SNTG2: variants seen among roughly 807,000 people sequenced by gnomAD.
SNTG2 encodes syntrophin gamma 2.
A neutral mutation model predicts 70.9 loss-of-function variants in SNTG2; 74 were observed. The ratio of observed to expected loss-of-function variants is 1.04; its 90% confidence interval spans 0.86 to 1.27. The LOEUF is 1.27. SNTG2 is among the 50% of genes most tolerant of loss of function. The pLI, the probability that SNTG2 is intolerant of heterozygous loss-of-function variation, is 0.00. For missense variants in SNTG2, 717 were observed against 690.7 expected, an observed-to-expected ratio of 1.04 and a Z score of -0.43; for synonymous variants, 278 against 273.8, an observed-to-expected ratio of 1.02 and a Z score of -0.15.
At chr2:969,431 C>A (rs575590460) in intron 1 of SNTG2, among the ~76,000 whole-genome samples, 177 of 152,200 alleles carry the variant, frequency 1.2e-3, no homozygotes, top group African/African-American at 4.2e-3. Flanking sequence ...AAAGAAATAG[C>A]ATTGAATCTG....
intron 1 of SNTG2, among the ~76,000 whole-genome samples, chr2:971,738 G>A (rs895678845): frequency 2.0e-5 from 3 of 148,348 alleles, no homozygotes; most frequent in Non-Finnish European, 3.0e-5. Context: ...CATTCCTTAA[G>A]ATATGATGTT....
chr2:1,037,722 C>A (rs1461118055), intron 1 of SNTG2, among the ~76,000 whole-genome samples: 1 of 152,182 alleles, frequency 6.6e-6, no homozygotes, highest in East Asian at 1.9e-4. Context: ...TTGGGTTCTT[C>A]TACTTCGCAT....
At chr2:1,309,021 C>T (rs1680847949) in intron 15 of SNTG2, among the ~76,000 whole-genome samples, 1 of 152,170 alleles carries the variant, frequency 6.6e-6, no homozygotes, top group African/African-American at 2.4e-5. Context: ...CCATTTCCAC[C>T]CCATCTGAGT....
chr2:956,589 C>T (rs1660169438), intron 1 of SNTG2, among the ~76,000 whole-genome samples: 1 of 152,254 alleles, frequency 6.6e-6, no homozygotes, highest in South Asian at 2.1e-4. Flanking sequence ...GGGCCCCGGC[C>T]CACCCGTGGC....
intron 6 of SNTG2, among the ~76,000 whole-genome samples, chr2:1,159,104 A>G (rs62106022): frequency 0.77 from 114,672 of 149,778 alleles, 44,705 homozygotes; most frequent in Non-Finnish European, 0.86. Context: ...GCATGCGTGT[A>G]CCTGTGTGTT....
At chr2:1,168,246 C>T in intron 7 of SNTG2, among the ~76,000 whole-genome samples, 1 of 146,372 alleles carries the variant, frequency 6.8e-6, no homozygotes, top group Non-Finnish European at 1.5e-5. Context: ...AGAACTGAAG[C>T]CTACAGGCCG....
intron 1 of SNTG2, among the ~76,000 whole-genome samples, chr2:1,008,337 C>T (rs1659631537): frequency 6.6e-6 from 1 of 152,128 alleles, no homozygotes; most frequent in African/African-American, 2.4e-5. Flanking sequence ...TTCACATGAG[C>T]AAACTAGTAT....
At chr2:1,076,782 A>G (rs552249186) in intron 1 of SNTG2, among the ~76,000 whole-genome samples, 1 of 152,328 alleles carries the variant, frequency 6.6e-6, no homozygotes, top group East Asian at 1.9e-4. Context: ...TTTAGTAACA[A>G]AAATCAGGAC....
At chr2:1,042,658 A>G (rs958442303) in intron 1 of SNTG2, among the ~76,000 whole-genome samples, 2 of 152,220 alleles carry the variant, frequency 1.3e-5, no homozygotes, top group Non-Finnish European at 2.9e-5. Flanking sequence ...CACTTAGGAT[A>G]ATGGCCTCCA....
At chr2:1,112,175 A>G (rs1202168769) in intron 4 of SNTG2, among the ~76,000 whole-genome samples, 2 of 151,526 alleles carry the variant, frequency 1.3e-5, no homozygotes, top group East Asian at 1.9e-4. Context: ...GATCGTGTGT[A>G]CTAAGGGAGG....
chr2:1,218,009 G>T (rs1674512805), intron 9 of SNTG2, among the ~76,000 whole-genome samples: 1 of 151,992 alleles, frequency 6.6e-6, no homozygotes, highest in Non-Finnish European at 1.5e-5. Context: ...GGCTCACTCA[G>T]GGTTGCTGGC....
At position 1,367,555 on chromosome 2, in the gene SNTG2, G is replaced by C. The variant is rs1661555880; in HGVS notation, c.*81G>C. On this transcript the variant is annotated 3_prime_UTR_variant, in exon 17 of 17. Transcript: ENST00000308624. ...TTCCTGCAGAATATTGCAACTTTGT[G>C]TTGTTTTATGATGAGCCTATAGTTG... 6.7e-7 allele frequency: 1 copy of C among 1,484,246 alleles called. No homozygotes were observed. The highest frequency in any genetic ancestry group is 2.5e-5 in the East Asian group (1 of 40,410). The allele number at this position is 1,484,246 out of a possible 1,614,324, so 91.9% of individuals were successfully genotyped here.
intron 13 of SNTG2, among the ~76,000 whole-genome samples, chr2:1,261,191 C>G (rs1678396317): frequency 6.6e-6 from 1 of 152,096 alleles, no homozygotes; most frequent in African/African-American, 2.4e-5. Context: ...AAATAGTGAT[C>G]TTACAAAATC....
At chr2:1,080,857 GT>G (rs1281707956) in intron 1 of SNTG2, among the ~76,000 whole-genome samples, 1 of 152,128 alleles carries the variant, frequency 6.6e-6, no homozygotes, top group Non-Finnish European at 1.5e-5. Flanking sequence ...AGCAGCAGGT[GT>G]TTGTGTTTTT....
intron 4 of SNTG2, among the ~76,000 whole-genome samples, chr2:1,117,691 C>T: frequency 6.6e-6 from 1 of 152,190 alleles, no homozygotes; most frequent in East Asian, 1.9e-4. Flanking sequence ...AGAGTTCAAG[C>T]TACAGAGGTT....
At chr2:1,074,180 AG>A (rs1663768765) in intron 1 of SNTG2, among the ~76,000 whole-genome samples, 1 of 152,206 alleles carries the variant, frequency 6.6e-6, no homozygotes. Flanking sequence ...CGGCAGCTGC[AG>A]TGTAGCCCCT....
intron 1 of SNTG2, among the ~76,000 whole-genome samples, chr2:1,054,088 C>T (rs1662234132): frequency 6.6e-6 from 1 of 152,176 alleles, no homozygotes; most frequent in East Asian, 1.9e-4. Flanking sequence ...AGGCACCACG[C>T]CTGCCACCTG....
intron 9 of SNTG2, among the ~76,000 whole-genome samples, chr2:1,212,111 T>A (rs1180913286): frequency 6.6e-6 from 1 of 152,160 alleles, no homozygotes; most frequent in Non-Finnish European, 1.5e-5. Flanking sequence ...CATGTGGAAA[T>A]GTATTCCCCA....
At chr2:1,145,149 G>A (rs1377578115) in intron 6 of SNTG2, among the ~76,000 whole-genome samples, 2 of 151,942 alleles carry the variant, frequency 1.3e-5, no homozygotes, top group East Asian at 3.9e-4. Flanking sequence ...AACAGCAGGA[G>A]TTTATTTCCC....
Sources: allele counts gnomAD v4.1 joint callset (sites outside exome capture counted in the v4.1 genomes callset), GRCh38; gene constraint gnomAD v4.1.1; transcripts MANE v1.5; gene names NCBI Gene and HGNC (gene_info 2026-07-23, HGNC 2026-07-21).